PLPP1: variants seen among roughly 807,000 people sequenced by gnomAD.
The protein encoded by PLPP1 is phospholipid phosphatase 1.
In PLPP1, 24 loss-of-function variants were observed where a neutral mutation model predicts 31.2. That is an observed-to-expected ratio of 0.77 (90% CI 0.56 to 1.08). PLPP1 has a LOEUF of 1.08. PLPP1 is among the 50% of genes least tolerant of loss of function. The pLI is 0.00. For missense variants in PLPP1, 319 were observed against 342.7 expected (o/e 0.93, Z 0.55); for synonymous variants, 146 against 126.3 (o/e 1.16, Z -1.05).
At chr5:55,480,409 A>G (rs1752645255) in intron 1 of PLPP1, among the ~76,000 whole-genome samples, 1 of 151,702 alleles carries the variant, frequency 6.6e-6, no homozygotes. Flanking sequence ...GAATATTTTC[A>G]TTACCCCCCA....
At chr5:55,530,198 T>C (rs1460639901) in intron 1 of PLPP1, 2 of 1,347,718 alleles carry the variant, frequency 1.5e-6, no homozygotes, top group East Asian at 2.3e-5. Flanking sequence ...CAGTTTGACA[T>C]TGAGTTTCTT....
chr5:55,452,124 A>G lies in PLPP1; in HGVS notation c.492-10216T>C, dbSNP rs552881033. Reference sequence around the variant, plus strand: ...ACAGCTCCAGAACCATCACTTGCCAACAAACTACTTGATATAGTTTGGATG... The same window carrying G: ...ACAGCTCCAGAACCATCACTTGCCAGCAAACTACTTGATATAGTTTGGATG... On this transcript the variant is annotated intron_variant, in intron 3 of 5. Coordinates refer to ENST00000307259, the MANE Select transcript of PLPP1 (RefSeq NM_003711.4). Among the ~76,000 whole-genome samples the G allele has an allele frequency of 1.2e-3, 176 of 152,240 alleles. 1 individual carries two copies. Among genetic ancestry groups the G allele is most frequent in the Non-Finnish European group, 1.8e-3 (125 of 68,016 alleles).
chr5:55,497,063 A>G (rs1753017262), intron 1 of PLPP1, among the ~76,000 whole-genome samples: 3 of 152,096 alleles, frequency 2.0e-5, no homozygotes, highest in African/African-American at 4.8e-5. Context: ...CACTCCCTCA[A>G]TTTTCTCTAA....
intron 4 of PLPP1, among the ~76,000 whole-genome samples, chr5:55,441,382 G>A: frequency 6.6e-6 from 1 of 152,218 alleles, no homozygotes; most frequent in East Asian, 1.9e-4. Flanking sequence ...CTGGTCCCTT[G>A]CAGAGCACTC....
chr5:55,443,190 A>ATATAT (rs1458750100), intron 3 of PLPP1, among the ~76,000 whole-genome samples: 1 of 20,442 alleles, frequency 4.9e-5, no homozygotes, highest in African/African-American at 1.1e-4. Context: ...AAAAAAAAAA[A>ATATAT]AAATATATAT....
intron 3 of PLPP1, among the ~76,000 whole-genome samples, chr5:55,451,692 G>C (rs1286434340): frequency 1.3e-5 from 2 of 152,030 alleles, no homozygotes; most frequent in Non-Finnish European, 2.9e-5. Context: ...CTCCTGAGTA[G>C]CTGGGATTAC....
At chr5:55,516,093 A>G (rs1306041947) in intron 1 of PLPP1, among the ~76,000 whole-genome samples, 3 of 152,166 alleles carry the variant, frequency 2.0e-5, no homozygotes, top group Admixed American at 1.3e-4. Flanking sequence ...TATACAAGCC[A>G]GAAGCTTCAG....
intron 1 of PLPP1, among the ~76,000 whole-genome samples, chr5:55,505,541 T>A (rs1753255560): frequency 6.6e-6 from 1 of 151,932 alleles, no homozygotes; most frequent in African/African-American, 2.4e-5. Context: ...TGCCCACATA[T>A]TATCTCTAAT....
chr5:55,534,264 C>G (rs939200254), intron 1 of PLPP1, among the ~76,000 whole-genome samples: 2 of 152,158 alleles, frequency 1.3e-5, no homozygotes, highest in African/African-American at 4.8e-5. Context: ...AGGGGAGGAG[C>G]CCACCCTGCT....
At chr5:55,521,686 T>A (rs1457019679) in intron 1 of PLPP1, among the ~76,000 whole-genome samples, 3 of 152,174 alleles carry the variant, frequency 2.0e-5, no homozygotes, top group Non-Finnish European at 4.4e-5. Context: ...ATTTTTCCTA[T>A]GAGTCTGTCT....
intron 1 of PLPP1, among the ~76,000 whole-genome samples, chr5:55,526,615 GC>G (rs2111950538): frequency 6.6e-6 from 1 of 152,232 alleles, no homozygotes; most frequent in East Asian, 1.9e-4. Context: ...TTCATCAGAA[GC>G]AAAATAAGTT....
intron 1 of PLPP1, among the ~76,000 whole-genome samples, chr5:55,480,510 C>T (rs1416314593): frequency 6.6e-6 from 1 of 151,758 alleles, no homozygotes; most frequent in Non-Finnish European, 1.5e-5. Flanking sequence ...CACAAATTTG[C>T]CTTTTCTAGA....
chr5:55,483,669 C>CG (rs1554039895), intron 1 of PLPP1, among the ~76,000 whole-genome samples: 3 of 117,278 alleles, frequency 2.6e-5, no homozygotes, highest in Non-Finnish European at 5.1e-5. Flanking sequence ...GAGACTGTCT[C>CG]AAAAAAAAAA....
At chr5:55,428,625 T>C (rs1480495779) in intron 4 of PLPP1, among the ~76,000 whole-genome samples, 1 of 152,240 alleles carries the variant, frequency 6.6e-6, no homozygotes, top group African/African-American at 2.4e-5. Flanking sequence ...ACTTTAGCTT[T>C]CCCTAAATGC....
chr5:55,424,866 A>T lies in PLPP1; in HGVS notation c.*340T>A. 1.2e-6 allele frequency: 1 copy of T among 819,814 alleles called. No individual in the cohort carries two copies. Among genetic ancestry groups the T allele is most frequent in the Non-Finnish European group, 2.0e-6 (1 of 489,712 alleles). 50.8% of individuals were successfully genotyped at this position (819,814 alleles called of 1,614,324 possible). On this transcript the variant is annotated 3_prime_UTR_variant, in exon 6 of 6. Coordinates refer to ENST00000307259, the MANE Select transcript of PLPP1 (RefSeq NM_003711.4). ...CTGCAAGTGTGGATTTGGTTCTCCC[A>T]TACATTTTAATATGTATTATATTTA...
At chr5:55,458,376 T>A (rs565955017) in intron 3 of PLPP1, among the ~76,000 whole-genome samples, 11 of 152,024 alleles carry the variant, frequency 7.2e-5, no homozygotes, top group Non-Finnish European at 1.3e-4. Context: ...AATAATAAAC[T>A]AATACATATA....
intron 3 of PLPP1, among the ~76,000 whole-genome samples, chr5:55,459,389 T>TA (rs958071976): frequency 1.3e-5 from 2 of 151,426 alleles, no homozygotes; most frequent in Admixed American, 6.6e-5. Flanking sequence ...ACATGTTGGT[T>TA]AAAAAAAAAT....
Position 55,500,077 on chromosome 5 carries a change from A to T in PLPP1, c.59-24627T>A, listed in dbSNP as rs944314100. Among the ~76,000 whole-genome samples, 6 of 112,478 alleles carry T rather than the reference A, an allele frequency of 5.3e-5. No homozygotes were observed. The South Asian group carries it at 1.2e-3, about 22-fold the overall frequency. The allele number at this position is 112,478 out of a possible 152,430, so 73.8% of individuals were successfully genotyped here. ...ATGGTATAATTTGATTTCTCTAAAA[A>T]TTTTTTTTTTTTTTTTTTTTGAGAC... On this transcript the variant is annotated intron_variant, in intron 1 of 5. Transcript: ENST00000307259.
intron 1 of PLPP1, among the ~76,000 whole-genome samples, chr5:55,522,912 G>C (rs1433426869): frequency 6.6e-6 from 1 of 152,058 alleles, no homozygotes; most frequent in African/African-American, 2.4e-5. Context: ...TACAGACGGG[G>C]TTTCAGCGTG....
Sources: allele counts gnomAD v4.1 joint callset (sites outside exome capture counted in the v4.1 genomes callset), GRCh38; gene constraint gnomAD v4.1.1; transcripts MANE v1.5; gene names NCBI Gene and HGNC (gene_info 2026-07-23, HGNC 2026-07-21).